The following CEP63 variants were observed in gnomAD, a reference collection of about 807,000 sequenced individuals.
The protein encoded by CEP63 is centrosomal protein of 63 kDa.
CEP63 carries 84 observed loss-of-function variants against 89.1 expected under a neutral mutation model. The observed-to-expected ratio is 0.94, with a 90% CI of 0.79 to 1.13. The LOEUF (loss-of-function observed/expected upper bound fraction) is 1.13. Among genes scored for constraint, CEP63 ranks in the 50% most tolerant of loss-of-function variants. The pLI is 0.00. For missense variants in CEP63, 838 were observed against 813.3 expected (o/e 1.03, Z -0.37); for synonymous variants, 267 against 272.5 (o/e 0.98, Z 0.20).
At chr3:134,689,613 A>G in the CEP63 span, among the ~76,000 whole-genome samples, 1 of 151,962 alleles carries the variant, frequency 6.6e-6, no homozygotes, top group Non-Finnish European at 1.5e-5. Context: ...CACCACGCTC[A>G]AGTAATTTTT....
At chr3:134,721,690 A>AT in the CEP63 span, among the ~76,000 whole-genome samples, 1 of 152,070 alleles carries the variant, frequency 6.6e-6, no homozygotes, top group African/African-American at 2.4e-5. Flanking sequence ...AATAATATTG[A>AT]TTTTTGTCAA....
chr3:134,496,441 G>C (rs1010856517), intron 2 of CEP63, among the ~76,000 whole-genome samples: 7 of 138,836 alleles, frequency 5.0e-5, no homozygotes, highest in Middle Eastern at 3.8e-3. Flanking sequence ...AGGGGGGGGG[G>C]GCTAAAGAAC....
chr3:134,567,875 T>C (rs1332535788), downstream of CEP63, among the ~76,000 whole-genome samples: 1 of 152,234 alleles, frequency 6.6e-6, no homozygotes, highest in Non-Finnish European at 1.5e-5. Flanking sequence ...ACCTCAGTGC[T>C]TAGAGGAGGA....
the CEP63 span, among the ~76,000 whole-genome samples, chr3:134,595,183 A>G: frequency 1.9e-4 from 29 of 152,148 alleles, no homozygotes; most frequent in African/African-American, 7.0e-4. Flanking sequence ...GGGGGTGGTT[A>G]CTCTCATGCT....
intron 3 of CEP63, among the ~76,000 whole-genome samples, chr3:134,516,751 G>A (rs1196465409): frequency 6.6e-6 from 1 of 152,228 alleles, no homozygotes; most frequent in Non-Finnish European, 1.5e-5. Flanking sequence ...AGGGAGCACA[G>A]GGTTGGGGGT....
the CEP63 span, among the ~76,000 whole-genome samples, chr3:134,593,490 A>G: frequency 1.3e-5 from 2 of 152,164 alleles, no homozygotes; most frequent in African/African-American, 4.8e-5. Flanking sequence ...GTTAGGAATC[A>G]GGCGGTCAGC....
At chr3:134,548,669 T>A (rs977256762) in intron 9 of CEP63, among the ~76,000 whole-genome samples, 3 of 148,188 alleles carry the variant, frequency 2.0e-5, no homozygotes, top group Non-Finnish European at 4.5e-5. Flanking sequence ...TTTTTTGTTT[T>A]TACATTTATT....
chr3:134,551,796 A>C (rs1348545782), intron 11 of CEP63, 130 bp from the exon 12 acceptor site: 5 of 213,754 alleles, frequency 2.3e-5, no homozygotes, highest in South Asian at 1.3e-4. Flanking sequence ...TATATATATA[A>C]ATATGTATAT....
At chr3:134,506,918 CAAA>C (rs1229943667) in intron 2 of CEP63, among the ~76,000 whole-genome samples, 188 bp from the exon 3 acceptor site, 57 of 24,260 alleles carry the variant, frequency 2.3e-3, no homozygotes, top group African/African-American at 7.2e-3. Flanking sequence ...AACTCCATCT[CAAA>C]AAAAAAAAAA....
chr3:134,728,725 A>T, the CEP63 span, among the ~76,000 whole-genome samples: 1 of 152,248 alleles, frequency 6.6e-6, no homozygotes, highest in East Asian at 1.9e-4. Context: ...GGGATAAAAA[A>T]TTTTATATGA....
At chr3:134,508,930 TTGTG>T (rs951093451) in intron 3 of CEP63, among the ~76,000 whole-genome samples, 1 of 151,972 alleles carries the variant, frequency 6.6e-6, no homozygotes, top group African/African-American at 2.4e-5. Context: ...TCCATAGAAT[TTGTG>T]TGTGAGATTG....
intron 2 of CEP63, among the ~76,000 whole-genome samples, chr3:134,500,072 C>G (rs1048399248): frequency 6.6e-6 from 1 of 151,948 alleles, no homozygotes; most frequent in African/African-American, 2.4e-5. Context: ...GTGATCCCCC[C>G]GCCTCAGCCT....
At chr3:134,611,719 G>A in the CEP63 span, among the ~76,000 whole-genome samples, 2 of 152,226 alleles carry the variant, frequency 1.3e-5, no homozygotes, top group Non-Finnish European at 2.9e-5. Flanking sequence ...GCAGTCCAGG[G>A]TGTTGGTGGG....
chr3:134,657,831 A>G, the CEP63 span, among the ~76,000 whole-genome samples: 1 of 152,214 alleles, frequency 6.6e-6, no homozygotes, highest in Non-Finnish European at 1.5e-5. Flanking sequence ...ACAAGCATTG[A>G]AAACTATTGG....
At chr3:134,667,679 G>C in the CEP63 span, among the ~76,000 whole-genome samples, 28 of 152,346 alleles carry the variant, frequency 1.8e-4, no homozygotes, top group African/African-American at 6.5e-4. Flanking sequence ...TGGTGGGCAT[G>C]ATGGTGGCTG....
chr3:134,687,917 G>A, the CEP63 span, among the ~76,000 whole-genome samples: 14 of 152,242 alleles, frequency 9.2e-5, no homozygotes, highest in Non-Finnish European at 1.8e-4. Flanking sequence ...ACAATATCAA[G>A]TGTTGAAAAG....
chr3:134,693,863 A>G, the CEP63 span, among the ~76,000 whole-genome samples: 1 of 152,110 alleles, frequency 6.6e-6, no homozygotes, highest in Non-Finnish European at 1.5e-5. Context: ...GGGGCCTGGT[A>G]TTGAGTTCAG....
chr3:134,561,583 G>C lies in CEP63; in HGVS notation c.*48G>C. 2 of 1,574,412 alleles carry C rather than the reference G, an allele frequency of 1.3e-6. No homozygotes were observed. The highest frequency in any genetic ancestry group is 1.7e-6 in the Non-Finnish European group (2 of 1,158,020). On this transcript the variant is annotated 3_prime_UTR_variant, in exon 15 of 15. Coordinates refer to ENST00000675561, the MANE Select transcript of CEP63 (RefSeq NM_001353108.3). ...TGGAAATAAAAATAAACACCAAAGA[G>C]TTACTGTCATCTGAAGTAGCAGCTC...
the CEP63 span, chr3:134,651,184 C>T: frequency 2.9e-6 from 4 of 1,378,392 alleles, no homozygotes; most frequent in Non-Finnish European, 3.8e-6. Context: ...GGCTCTAAGT[C>T]ACCTTTGAAA....
Sources: allele counts gnomAD v4.1 joint callset (sites outside exome capture counted in the v4.1 genomes callset), GRCh38; gene constraint gnomAD v4.1.1; transcripts MANE v1.5; gene names NCBI Gene and HGNC (gene_info 2026-07-23, HGNC 2026-07-21).